BDNF: variants seen among roughly 807,000 people sequenced by gnomAD.
BDNF encodes brain derived neurotrophic factor.
BDNF carries 1 observed loss-of-function variant against 19.5 expected under a neutral mutation model. The ratio of observed to expected loss-of-function variants is 0.05; its 90% CI spans 0.02 to 0.24. BDNF has a LOEUF of 0.24. Among genes scored for constraint, BDNF ranks in the 10% least tolerant of loss-of-function variants. The pLI, the probability that BDNF is intolerant of heterozygous loss-of-function variation, is 1.00. For synonymous variants in BDNF, 100 were observed against 121.6 expected (o/e 0.82, Z 1.17); for missense variants, 195 against 317.6 (o/e 0.61, Z 2.93).
At chr11:27,712,021 A>C (rs1157982590) in intron 1 of BDNF, among the ~76,000 whole-genome samples, 1 of 152,292 alleles carries the variant, frequency 6.6e-6, no homozygotes, top group South Asian at 2.1e-4. Context: ...AGTCAATAGA[A>C]ACATGCTTAC....
At chr11:27,689,293 G>A (rs1248600054) in intron 1 of BDNF, among the ~76,000 whole-genome samples, 3 of 152,192 alleles carry the variant, frequency 2.0e-5, no homozygotes, top group Non-Finnish European at 4.4e-5. Flanking sequence ...CTACAGCTGT[G>A]CATTTTGGAT....
intron 1 of BDNF, among the ~76,000 whole-genome samples, chr11:27,713,934 A>C (rs868777314): frequency 6.6e-6 from 1 of 152,208 alleles, no homozygotes; most frequent in South Asian, 2.1e-4. Flanking sequence ...ACTAGACTTT[A>C]AAGATTTTTT....
At chr11:27,689,077 G>C (rs945264449) in intron 1 of BDNF, among the ~76,000 whole-genome samples, 2 of 152,140 alleles carry the variant, frequency 1.3e-5, no homozygotes, top group Non-Finnish European at 2.9e-5. Context: ...CACACAGAAG[G>C]GTACCAGTCT....
At chr11:27,668,744 G>A (rs1247451494) in intron 1 of BDNF, among the ~76,000 whole-genome samples, 1 of 152,058 alleles carries the variant, frequency 6.6e-6, no homozygotes, top group African/African-American at 2.4e-5. Flanking sequence ...ACCAATAACA[G>A]GCTCTGAAAT....
chr11:27,699,428 A>G lies in BDNF; in HGVS notation c.-22+736T>C, dbSNP rs762623064. The G allele has an allele frequency of 3.7e-6, 6 of 1,614,130 alleles. No homozygotes were observed. In the Admixed American group the frequency reaches 8.3e-5, roughly 22 times the overall value. On this transcript the variant is annotated intron_variant, in intron 1 of 1. Transcript: ENST00000356660. Reference sequence around the variant, plus strand: ...CATCCCCAGAGACTAACCCGAGTCAAGAATCCCCCACGTACATCCCAACCA... The same window carrying G: ...CATCCCCAGAGACTAACCCGAGTCAGGAATCCCCCACGTACATCCCAACCA...
intron 1 of BDNF, among the ~76,000 whole-genome samples, chr11:27,716,268 A>G (rs1590502931): frequency 6.6e-6 from 1 of 152,218 alleles, no homozygotes; most frequent in East Asian, 1.9e-4. Flanking sequence ...TTTCTTTAAG[A>G]CCTCTATTTC....
chr11:27,654,897 A>G lies in BDNF; in HGVS notation c.*2924T>C, dbSNP rs1334247122. 6.6e-6 allele frequency: 1 copy of G among 152,210 alleles called. No individual in the cohort carries two copies. Among genetic ancestry groups the G allele is most frequent in the African/African-American group, 2.4e-5 (1 of 41,444 alleles). 9.4% of individuals were successfully genotyped at this position (152,210 alleles called of 1,614,324 possible). On this transcript the variant is annotated 3_prime_UTR_variant, in exon 2 of 2. Transcript: ENST00000356660. ...AAAAAACCCAGAACCCCCAGATTTT[A>G]TGTACTTTGAAAATATATTTAAAAA...
At position 27,656,905 on chromosome 11, in the gene BDNF, G is replaced by A. The variant is rs1421442020; in HGVS notation, c.*916C>T. 12 of 984,986 alleles carry A rather than the reference G, an allele frequency of 1.2e-5. No individual in the cohort carries two copies. The highest frequency in any genetic ancestry group is 3.5e-5 in the African/African-American group (2 of 57,106). 61.0% of individuals were successfully genotyped at this position (984,986 alleles called of 1,614,324 possible). ...CAGCAGTGGTAAAATATTTCAGAAC[G>A]CGCAACTGATTTTTCTTCCTTAAAA... is the stretch of plus-strand genomic sequence containing the variant. On this transcript the variant is annotated 3_prime_UTR_variant, in exon 2 of 2. Transcript: ENST00000356660.
chr11:27,697,156 C>CAGAGAGAGAG (rs1214718714), intron 1 of BDNF, among the ~76,000 whole-genome samples: 21 of 69,334 alleles, frequency 3.0e-4, no homozygotes, highest in Admixed American at 1.1e-3. Context: ...CACACACACA[C>CAGAGAGAGAG]ACACACACAG....
intron 1 of BDNF, among the ~76,000 whole-genome samples, chr11:27,721,204 C>T (rs1860732109): frequency 6.6e-6 from 1 of 152,076 alleles, no homozygotes; most frequent in Non-Finnish European, 1.5e-5. Context: ...CCCCACCCAG[C>T]TCCAAGTTTG....
intron 1 of BDNF, among the ~76,000 whole-genome samples, chr11:27,681,075 T>C (rs927852005): frequency 6.6e-6 from 1 of 152,188 alleles, no homozygotes; most frequent in Admixed American, 6.5e-5. Flanking sequence ...GCCTAGAATA[T>C]TCCCCTGAAA....
At chr11:27,690,134 G>C (rs1214716583) in intron 1 of BDNF, among the ~76,000 whole-genome samples, 1 of 152,266 alleles carries the variant, frequency 6.6e-6, no homozygotes, top group Admixed American at 6.5e-5. Context: ...AGGCAATCCT[G>C]TATTAATATT....
intron 1 of BDNF, among the ~76,000 whole-genome samples, chr11:27,705,780 C>G (rs1363284915): frequency 6.6e-6 from 1 of 152,210 alleles, no homozygotes; most frequent in Non-Finnish European, 1.5e-5. Flanking sequence ...ACTTTCTCAA[C>G]TTTAGTTGCC....
chr11:27,695,422 T>C (rs1471976865), intron 1 of BDNF, among the ~76,000 whole-genome samples: 1 of 152,110 alleles, frequency 6.6e-6, no homozygotes, highest in Non-Finnish European at 1.5e-5. Context: ...TTTTAAGAAA[T>C]CCTCCCTTGC....
chr11:27,664,324 A>C (rs912188002), intron 1 of BDNF, among the ~76,000 whole-genome samples: 1 of 152,128 alleles, frequency 6.6e-6, no homozygotes, highest in Non-Finnish European at 1.5e-5. Context: ...ATCACACATG[A>C]AGTCTACTTT....
chr11:27,664,999 T>C (rs778396620), intron 1 of BDNF, among the ~76,000 whole-genome samples: 1 of 152,214 alleles, frequency 6.6e-6, no homozygotes, highest in Non-Finnish European at 1.5e-5. Flanking sequence ...GAAAATACTT[T>C]TAAAGTTTAC....
At chr11:27,674,195 C>G in intron 1 of BDNF, 1 of 1,606,550 alleles carries the variant, frequency 6.2e-7, no homozygotes, top group Non-Finnish European at 8.5e-7. Context: ...ATGTGTGGAC[C>G]TGCAACCCTT....
chr11:27,704,969 T>A (rs1860052747), upstream of BDNF, among the ~76,000 whole-genome samples: 1 of 152,284 alleles, frequency 6.6e-6, no homozygotes, highest in Admixed American at 6.5e-5. Flanking sequence ...AAGAAACTTT[T>A]AGAAGGGCCA....
chr11:27,686,737 T>TGGCTTGTA (rs749461461), intron 1 of BDNF, among the ~76,000 whole-genome samples: 1 of 152,340 alleles, frequency 6.6e-6, no homozygotes. Context: ...CACTCTCTTC[T>TGGCTTGTA]GGCTTGTAGG....
Sources: gnomAD v4.1 joint callset for allele counts (sites outside exome capture counted in the v4.1 genomes callset) on GRCh38, gnomAD v4.1.1 for gene constraint, MANE v1.5 for transcripts, NCBI Gene and HGNC (gene_info 2026-07-23, HGNC 2026-07-21) for gene names.